The following ST3GAL2 variants were observed in gnomAD, a reference collection of about 807,000 sequenced individuals.
ST3GAL2 encodes CMP-N-acetylneuraminate-beta-galactosamide-alpha-2,3-sialyltransferase 2.
Under a neutral mutation model 37.5 loss-of-function variants are expected in ST3GAL2, and 16 were observed. The ratio of observed to expected loss-of-function variants is 0.43; its 90% CI spans 0.29 to 0.65. The LOEUF is 0.65. Ranked by LOEUF, ST3GAL2 falls within the 30% of genes least tolerant of loss-of-function variation. The pLI, the probability that ST3GAL2 is intolerant of heterozygous loss-of-function variation, is 0.17. For missense variants in ST3GAL2, 383 were observed against 487.8 expected (o/e 0.79, Z 2.02); for synonymous variants, 238 against 202.9 (o/e 1.17, Z -1.47).
In ST3GAL2 at chr16:70,398,432, C is replaced by A. The variant is rs761553275; in HGVS notation, c.99G>T (p.Thr33=). Residue 33 remains threonine, a synonymous_variant, in exon 2 of 7, where the codon ACG becomes ACT. Coordinates refer to ENST00000342907, the MANE Select transcript of ST3GAL2 (RefSeq NM_006927.4). ...LFTYSHHSMA[T]LPYLDSGALD... ...GGGCCCCTGAGTCCAGGTAGGGGAG[C>A]GTGGCCATGCTGTGGTGCGAGTAGG... 2.5e-6 allele frequency: 4 copies of A among 1,613,550 alleles called. No homozygotes were observed. The African/African-American group carries it at 4.0e-5, about 16-fold the overall frequency.
chr16:70,394,647 GA>G (rs1224758882), intron 3 of ST3GAL2, among the ~76,000 whole-genome samples: 8 of 152,120 alleles, frequency 5.3e-5, no homozygotes, highest in Admixed American at 3.3e-4. Flanking sequence ...CAAAGCGCTG[GA>G]ATTACAGGTG....
chr16:70,383,331 A>C (rs538845323), intron 4 of ST3GAL2, 96 bp from the exon 5 acceptor site: 2 of 1,248,344 alleles, frequency 1.6e-6, no homozygotes, highest in African/African-American at 3.0e-5. Context: ...CAGGTGGATC[A>C]CCTGAGGCCA....
chr16:70,390,362 C>T (rs2047474540), intron 3 of ST3GAL2, among the ~76,000 whole-genome samples: 1 of 152,196 alleles, frequency 6.6e-6, no homozygotes, highest in African/African-American at 2.4e-5. Context: ...CAGATGACAC[C>T]AGGCCTGGCC....
chr16:70,435,947 G>T (rs1016254744), intron 1 of ST3GAL2, among the ~76,000 whole-genome samples: 8 of 147,622 alleles, frequency 5.4e-5, no homozygotes, highest in African/African-American at 1.5e-4. Context: ...CCAACATGAA[G>T]AAACCCCATC....
chr16:70,423,983 G>A (rs1453617863), intron 1 of ST3GAL2, among the ~76,000 whole-genome samples: 1 of 151,774 alleles, frequency 6.6e-6, no homozygotes. Context: ...GCATGAACTC[G>A]GGAGGCAGAG....
Position 70,434,732 on chromosome 16 carries a change from T to C in ST3GAL2, c.-1004+4217A>G, listed in dbSNP as rs139485967. 1.1e-4 allele frequency among the ~76,000 whole-genome samples: 17 copies of C among 152,250 alleles called. No homozygotes were observed. In the East Asian group the frequency reaches 3.3e-3, roughly 29 times the overall value. Reference sequence around the variant, plus strand: ...TGCCTGGCTGGCAGCAAGCACTCAATGAACAGCAGCCATAATTCAGGCTAT... The same window carrying C: ...TGCCTGGCTGGCAGCAAGCACTCAACGAACAGCAGCCATAATTCAGGCTAT... On this transcript the variant is annotated intron_variant, in intron 1 of 6. Coordinates refer to ENST00000342907, the MANE Select transcript of ST3GAL2 (RefSeq NM_006927.4).
At chr16:70,413,444 G>T (rs1049528894) in intron 1 of ST3GAL2, among the ~76,000 whole-genome samples, 2 of 150,076 alleles carry the variant, frequency 1.3e-5, no homozygotes, top group African/African-American at 4.9e-5. Context: ...GGCCGGGCGC[G>T]GTGGCTCGCG....
In ST3GAL2 at chr16:70,388,448, T is replaced by C; in HGVS notation, c.632A>G (p.Asn211Ser). ...YPESAKNLPANVSFVLVPFKV... is the reference protein window; with the variant it reads ...YPESAKNLPASVSFVLVPFKV... ...GAAGGGCACCAGCACGAAGCTGACGTTGGCGGGCAGGTTCTTGGCACTCTC... is the reference window on the plus strand; with the variant it reads ...GAAGGGCACCAGCACGAAGCTGACGCTGGCGGGCAGGTTCTTGGCACTCTC... The change falls in exon 4 of 7, where the codon AAC becomes AGC. Residue 211 changes from asparagine to serine, a missense_variant. By Grantham distance (46) the Asn-to-Ser change is conservative (BLOSUM62 1). Around this residue, in one of 2 missense-constraint regions of ST3GAL2, gnomAD observed 160 missense variants for 248.6 expected, o/e 0.64. Coordinates refer to ENST00000342907, the MANE Select transcript of ST3GAL2 (RefSeq NM_006927.4). The C allele has an allele frequency of 6.2e-7, 1 of 1,614,114 alleles. No homozygotes were observed. Among genetic ancestry groups the C allele is most frequent in the Non-Finnish European group, 8.5e-7 (1 of 1,180,022 alleles).
At chr16:70,392,417 A>G (rs1597558981) in intron 3 of ST3GAL2, among the ~76,000 whole-genome samples, 1 of 152,338 alleles carries the variant, frequency 6.6e-6, no homozygotes, top group South Asian at 2.1e-4. Context: ...TCCAGCAGCT[A>G]AAGAAGTATT....
chr16:70,383,564 G>C (rs2047421069), intron 4 of ST3GAL2, among the ~76,000 whole-genome samples: 1 of 146,008 alleles, frequency 6.8e-6, no homozygotes, highest in African/African-American at 2.6e-5. Flanking sequence ...AAAAAGGAAA[G>C]GAAAGGAAAG....
intron 1 of ST3GAL2, among the ~76,000 whole-genome samples, chr16:70,406,965 G>A (rs931136848): frequency 3.3e-5 from 5 of 152,160 alleles, no homozygotes; most frequent in African/African-American, 4.8e-5. Context: ...ATCGAGTGTC[G>A]TCCTGGAGGG....
chr16:70,389,243 A>G (rs895088118), intron 3 of ST3GAL2, among the ~76,000 whole-genome samples: 2 of 133,104 alleles, frequency 1.5e-5, no homozygotes, highest in Non-Finnish European at 3.2e-5. Flanking sequence ...AAAAAAAAAA[A>G]AGGTTACTAA....
Position 70,382,713 on chromosome 16 carries a change from A to C in ST3GAL2, c.879+92T>G, listed in dbSNP as rs79434950. On this transcript the variant is annotated intron_variant, in intron 6 of 6. Coordinates refer to ENST00000342907, the MANE Select transcript of ST3GAL2 (RefSeq NM_006927.4). ...AGGCCACATGGATTCTGCCTACAGA[A>C]GCACATTCCTCTGTTAGCCTGCTAA... 2.4e-3 allele frequency: 3,826 copies of C among 1,566,758 alleles called. 96 individuals carry two copies. In the African/African-American group the frequency reaches 0.046, roughly 19 times the overall value.
chr16:70,417,130 G>C (rs1446947977), intron 1 of ST3GAL2, among the ~76,000 whole-genome samples: 3 of 152,194 alleles, frequency 2.0e-5, no homozygotes, highest in Admixed American at 2.0e-4. Flanking sequence ...ATCTCGAAGG[G>C]GTTCCATGAG....
intron 1 of ST3GAL2, among the ~76,000 whole-genome samples, chr16:70,409,363 G>A (rs1365393503): frequency 3.3e-5 from 5 of 150,740 alleles, no homozygotes; most frequent in Non-Finnish European, 5.9e-5. Context: ...TTTTTTTTGA[G>A]ACGGAGTTTT....
chr16:70,383,100 G>T, intron 5 of ST3GAL2, 90 bp downstream of exon 5: 1 of 1,589,714 alleles, frequency 6.3e-7, no homozygotes, highest in South Asian at 1.1e-5. Context: ...AGGTTCTGCA[G>T]GGGAAATGGA....
chr16:70,435,043 T>C (rs576336943), intron 1 of ST3GAL2, among the ~76,000 whole-genome samples: 3 of 152,184 alleles, frequency 2.0e-5, no homozygotes, highest in Non-Finnish European at 4.4e-5. Context: ...CCCACTTGGT[T>C]GGGGAAACAG....
intron 2 of ST3GAL2, among the ~76,000 whole-genome samples, chr16:70,396,523 G>A (rs931462776): frequency 6.6e-6 from 1 of 152,100 alleles, no homozygotes; most frequent in Non-Finnish European, 1.5e-5. Flanking sequence ...AGGATCGCTC[G>A]AGCCTTGGGG....
chr16:70,391,467 C>G (rs192961459), intron 3 of ST3GAL2, among the ~76,000 whole-genome samples: 148 of 152,286 alleles, frequency 9.7e-4, no homozygotes, highest in Non-Finnish European at 1.7e-3. Flanking sequence ...CTAGAAGAGC[C>G]AAGAAGTATC....
Sources: allele counts gnomAD v4.1 joint callset (sites outside exome capture counted in the v4.1 genomes callset), GRCh38; gene constraint gnomAD v4.1.1; regional missense constraint gnomAD v4.1.1; transcripts MANE v1.5; gene names NCBI Gene and HGNC (gene_info 2026-07-23, HGNC 2026-07-21).